GUCY2F: variants seen among roughly 807,000 people sequenced by gnomAD.
GUCY2F encodes the protein guanylate cyclase 2F, retinal.
A neutral mutation model predicts 73.1 loss-of-function variants in GUCY2F; 61 were observed. That is an observed-to-expected ratio of 0.83 (90% confidence interval 0.68 to 1.03). GUCY2F has a LOEUF of 1.03. GUCY2F is among the 50% of genes least tolerant of loss of function. The probability of loss-of-function intolerance (pLI) is 0.00; values close to 1 mark genes in which losing one functional copy is unlikely to be tolerated. For missense variants in GUCY2F, 912 were observed against 854.3 expected, an observed-to-expected ratio of 1.07 and a Z score of -0.84; for synonymous variants, 331 against 307.8, an observed-to-expected ratio of 1.08 and a Z score of -0.79.
intron 8 of GUCY2F, among the ~76,000 whole-genome samples, chrX:109,421,326 A>AC (rs1172850974): frequency 1.8e-5 from 2 of 111,776 alleles, no homozygotes. Flanking sequence ...AGCACTATTC[A>AC]CGTTAGCCAA....
chrX:109,418,239 T>C lies in GUCY2F; in HGVS notation c.1792-9071A>G, dbSNP rs1931290302. ...AGAAAATAGGAAAATTTTACGGTAA[T>C]TGATAAAGCATATTGACAAAAATGC... On this transcript the variant is annotated intron_variant, in intron 8 of 19. Coordinates refer to ENST00000218006, the MANE Select transcript of GUCY2F (RefSeq NM_001522.3). Among the ~76,000 whole-genome samples the C allele has an allele frequency of 1.8e-5, 2 of 111,831 alleles. 1 individual carries two copies. Among genetic ancestry groups the C allele is most frequent in the Admixed American group, 1.9e-4 (2 of 10,578 alleles).
chrX:109,393,967 G>A (rs1222611692), intron 12 of GUCY2F, among the ~76,000 whole-genome samples: 1 of 112,131 alleles, frequency 8.9e-6, no homozygotes, highest in Non-Finnish European at 1.9e-5. Context: ...GCCAACACTA[G>A]GAGTTTCCCT....
At chrX:109,432,504 G>A (rs759460236) in intron 7 of GUCY2F, among the ~76,000 whole-genome samples, 4 of 112,147 alleles carry the variant, frequency 3.6e-5, no homozygotes, top group Admixed American at 9.4e-5. Context: ...AGCCTTCCCG[G>A]CACCTTTGCA....
chrX:109,455,512 T>C (rs979616191), intron 3 of GUCY2F, among the ~76,000 whole-genome samples: 1 of 112,057 alleles, frequency 8.9e-6, no homozygotes, highest in Non-Finnish European at 1.9e-5. Context: ...TTTAGCATTC[T>C]TGATTGGAAT....
At chrX:109,462,205 T>C (rs1413955338) in intron 3 of GUCY2F, among the ~76,000 whole-genome samples, 3 of 112,870 alleles carry the variant, frequency 2.7e-5, no homozygotes, top group Non-Finnish European at 3.8e-5. Context: ...TCCTAGAAGA[T>C]ATAGCTCACT....
intron 3 of GUCY2F, among the ~76,000 whole-genome samples, chrX:109,456,547 G>T (rs1384259515): frequency 9.0e-6 from 1 of 111,352 alleles, no homozygotes; most frequent in Non-Finnish European, 1.9e-5. Flanking sequence ...AGGCTGTGCT[G>T]GTCTTTGTGC....
chrX:109,435,507 T>C (rs1274201338), intron 7 of GUCY2F, among the ~76,000 whole-genome samples: 2 of 110,848 alleles, frequency 1.8e-5, no homozygotes, highest in Non-Finnish European at 3.8e-5. Flanking sequence ...AAGTTGCTTA[T>C]CAGCTTAAGG....
In GUCY2F at chrX:109,424,997, C is replaced by T. The variant is rs968022897; in HGVS notation, c.1791+5310G>A. On this transcript the variant is annotated intron_variant, in intron 8 of 19. Coordinates refer to ENST00000218006, the MANE Select transcript of GUCY2F (RefSeq NM_001522.3). Reference sequence around the variant, plus strand: ...GGCCAGGCTGGTCTCGAACTCCTGACCTCAGGTGATCCACCTGCCTCGGGC... The same window carrying T: ...GGCCAGGCTGGTCTCGAACTCCTGATCTCAGGTGATCCACCTGCCTCGGGC... 2.0e-4 allele frequency among the ~76,000 whole-genome samples: 22 copies of T among 111,149 alleles called. 1 individual carries two copies. The highest frequency in any genetic ancestry group is 5.7e-5 in the Non-Finnish European group (3 of 53,038).
chrX:109,378,655 T>A (rs1039149377), intron 17 of GUCY2F, among the ~76,000 whole-genome samples: 4 of 111,465 alleles, frequency 3.6e-5, no homozygotes, highest in African/African-American at 1.3e-4. Flanking sequence ...TGTGTGTGTA[T>A]GCTGGGGTTG....
intron 7 of GUCY2F, among the ~76,000 whole-genome samples, chrX:109,431,198 C>A (rs966956670): frequency 9.0e-6 from 1 of 111,448 alleles, no homozygotes; most frequent in Non-Finnish European, 1.9e-5. Flanking sequence ...TCCGTCCAAC[C>A]CAAATTGTTT....
At chrX:109,397,948 T>C (rs1166258210) in intron 11 of GUCY2F, among the ~76,000 whole-genome samples, 1 of 111,349 alleles carries the variant, frequency 9.0e-6, no homozygotes, top group African/African-American at 3.3e-5. Flanking sequence ...TAGCTTATTA[T>C]TGGTAATCTT....
chrX:109,449,276 TAAAC>T (rs1006049220), intron 5 of GUCY2F, among the ~76,000 whole-genome samples: 6 of 112,501 alleles, frequency 5.3e-5, no homozygotes, highest in African/African-American at 1.9e-4. Flanking sequence ...CACTGGTTTG[TAAAC>T]AAACAATTAA....
At position 109,430,300 on chromosome X, in the gene GUCY2F, C is replaced by T; in HGVS notation, c.1791+7G>A. ...TGGGAATTTACATAAACGAAGATTT[C>T]TCATACCATTTCGAACACATCACTT... On this transcript the variant is annotated splice_region_variant and intron_variant, in intron 8 of 19. Coordinates refer to ENST00000218006, the MANE Select transcript of GUCY2F (RefSeq NM_001522.3). The T allele has an allele frequency of 1.1e-6, 1 of 919,643 alleles. No individual in the cohort carries two copies. 75.8% of individuals were successfully genotyped at this position (919,643 alleles called of 1,213,427 possible).
At chrX:109,407,501 A>AT (rs1237570301) in intron 9 of GUCY2F, among the ~76,000 whole-genome samples, 1 of 113,283 alleles carries the variant, frequency 8.8e-6, no homozygotes, top group Admixed American at 9.2e-5. Context: ...AGAAGTCTGC[A>AT]TGAGTAGCAA....
At chrX:109,416,972 T>A (rs1430056507) in intron 8 of GUCY2F, among the ~76,000 whole-genome samples, 1 of 102,006 alleles carries the variant, frequency 9.8e-6, no homozygotes, top group African/African-American at 3.6e-5. Context: ...ATCTTTAATA[T>A]GCCAAAAGAA....
intron 9 of GUCY2F, among the ~76,000 whole-genome samples, chrX:109,405,976 G>A (rs1205471433): frequency 9.0e-6 from 1 of 111,400 alleles, no homozygotes; most frequent in Non-Finnish European, 1.9e-5. Context: ...ATCTTAAAGG[G>A]AATTGGCATG....
At chrX:109,411,433 C>G (rs923809158) in intron 8 of GUCY2F, among the ~76,000 whole-genome samples, 1 of 110,933 alleles carries the variant, frequency 9.0e-6, no homozygotes, top group African/African-American at 3.3e-5. Flanking sequence ...CCAGCATTTC[C>G]CCATAAGATC....
chrX:109,447,201 G>A (rs1447851654), intron 6 of GUCY2F, among the ~76,000 whole-genome samples: 1 of 111,829 alleles, frequency 8.9e-6, no homozygotes, highest in Admixed American at 9.4e-5. Flanking sequence ...TTCTACCATT[G>A]TGGAAGACAG....
chrX:109,393,255 C>T (rs1051586327), intron 12 of GUCY2F, among the ~76,000 whole-genome samples, 200 bp from the exon 13 acceptor site: 1 of 92,790 alleles, frequency 1.1e-5, no homozygotes, highest in African/African-American at 3.9e-5. Context: ...TGCACCTCTT[C>T]CCCCACCCCC....
Sources: gnomAD v4.1 joint callset for allele counts (sites outside exome capture counted in the v4.1 genomes callset) on GRCh38, gnomAD v4.1.1 for gene constraint, MANE v1.5 for transcripts, NCBI Gene and HGNC (gene_info 2026-07-23, HGNC 2026-07-21) for gene names.